Variants in RYK observed in about 807,000 individuals in gnomAD.
The protein encoded by RYK is inactive tyrosine-protein kinase RYK.
Under a neutral mutation model 70.2 loss-of-function variants are expected in RYK, and 21 were observed. That is an observed-to-expected ratio of 0.30 (90% CI 0.21 to 0.43). The LOEUF (loss-of-function observed/expected upper bound fraction) is 0.43. Among genes scored for constraint, RYK ranks in the 20% least tolerant of loss-of-function variants. The pLI is 1.00. For missense variants in RYK, 604 were observed against 753.3 expected (o/e 0.80, Z 2.32); for synonymous variants, 267 against 278.0 (o/e 0.96, Z 0.39).
At chr3:134,193,205 A>G (rs1156308077) in intron 7 of RYK, among the ~76,000 whole-genome samples, 1 of 149,878 alleles carries the variant, frequency 6.7e-6, no homozygotes, top group East Asian at 2.0e-4. Flanking sequence ...TTTTTTTGAG[A>G]CGGAGTCTCA....
intron 9 of RYK, among the ~76,000 whole-genome samples, chr3:134,185,584 C>A (rs985122686): frequency 6.6e-6 from 1 of 152,196 alleles, no homozygotes; most frequent in Admixed American, 6.5e-5. Flanking sequence ...TAAGTGTCTA[C>A]AAACTGCTTG....
At position 134,245,391 on chromosome 3, in the gene RYK, A is replaced by G. The variant is rs1214803557; in HGVS notation, c.232+5032T>C. 5.3e-5 allele frequency among the ~76,000 whole-genome samples: 8 copies of G among 152,270 alleles called. No homozygotes were observed. The East Asian group carries it at 1.5e-3, about 29-fold the overall frequency. ...TGATAGTTTAAAAAAAAAAAATCAC[A>G]AAGACATCAAACCATAAGGACAAAC... On this transcript the variant is annotated intron_variant, in intron 1 of 14. Coordinates refer to ENST00000623711, the MANE Select transcript of RYK (RefSeq NM_002958.4).
In RYK at chr3:134,157,361, C is replaced by A. The variant is rs2012279726; in HGVS notation, c.*792G>T. ...TTCTGGAATTGTATTATCTCCTTTT[C>A]CAGAGAGTAAAAATAAATAAAATCA... On this transcript the variant is annotated 3_prime_UTR_variant, in exon 15 of 15. Coordinates refer to ENST00000623711, the MANE Select transcript of RYK (RefSeq NM_002958.4). The A allele has an allele frequency of 6.6e-6, 1 of 152,200 alleles. No homozygotes were observed. 9.4% of individuals were successfully genotyped at this position (152,200 alleles called of 1,614,324 possible).
intron 1 of RYK, among the ~76,000 whole-genome samples, chr3:134,241,286 A>G (rs1265502456): frequency 6.6e-6 from 1 of 151,678 alleles, no homozygotes; most frequent in African/African-American, 2.4e-5. Context: ...GGAGACAGAG[A>G]CTGCAGTGAG....
At chr3:134,171,831 C>A (rs1386080260) in intron 13 of RYK, among the ~76,000 whole-genome samples, 1 of 151,790 alleles carries the variant, frequency 6.6e-6, no homozygotes, top group Non-Finnish European at 1.5e-5. Context: ...TGTACCACTG[C>A]ACTCCCACCT....
chr3:134,246,301 A>AAC (rs1342155987), intron 1 of RYK, among the ~76,000 whole-genome samples: 4,663 of 103,502 alleles, frequency 0.045, 322 homozygotes, highest in African/African-American at 0.12. Context: ...CTCAGAAAGA[A>AAC]ATACACACAC....
intron 1 of RYK, among the ~76,000 whole-genome samples, chr3:134,226,270 C>T (rs9858069): frequency 0.14 from 21,933 of 151,950 alleles, 1,946 homozygotes; most frequent in East Asian, 0.47. Context: ...ACAACTTTGA[C>T]AATAAAATCA....
chr3:134,246,301 A>AACACACACAC (rs1342155987), intron 1 of RYK, among the ~76,000 whole-genome samples: 35 of 103,702 alleles, frequency 3.4e-4, no homozygotes, highest in South Asian at 1.7e-3. Flanking sequence ...CTCAGAAAGA[A>AACACACACAC]ATACACACAC....
chr3:134,246,358 T>G (rs1047341856), intron 1 of RYK, among the ~76,000 whole-genome samples: 1 of 69,284 alleles, frequency 1.4e-5, no homozygotes, highest in African/African-American at 5.8e-5. Flanking sequence ...AGAGAGAAAA[T>G]AAAGGGTGGG....
At chr3:134,221,207 T>C (rs1487202069) in intron 2 of RYK, among the ~76,000 whole-genome samples, 10 of 127,820 alleles carry the variant, frequency 7.8e-5, no homozygotes, top group Non-Finnish European at 1.7e-4. Context: ...TTTTTTTTTT[T>C]TTTTTTTTTT....
chr3:134,176,345 C>T (rs1485635699), intron 11 of RYK, among the ~76,000 whole-genome samples: 1 of 152,220 alleles, frequency 6.6e-6, no homozygotes, highest in African/African-American at 2.4e-5. Flanking sequence ...ATGCTGAGTT[C>T]TCAAGGTAAT....
chr3:134,159,952 G>C (rs575009463), intron 13 of RYK, among the ~76,000 whole-genome samples: 1 of 152,164 alleles, frequency 6.6e-6, no homozygotes, highest in Non-Finnish European at 1.5e-5. Context: ...TTCATGGTCC[G>C]TTCGGGGCTC....
At chr3:134,217,498 C>G (rs2014592649) in intron 2 of RYK, among the ~76,000 whole-genome samples, 1 of 152,090 alleles carries the variant, frequency 6.6e-6, no homozygotes, top group Non-Finnish European at 1.5e-5. Context: ...GATCAATAAC[C>G]AAAGTACAAC....
intron 1 of RYK, among the ~76,000 whole-genome samples, chr3:134,236,801 C>G (rs1335909935): frequency 6.6e-6 from 1 of 151,932 alleles, no homozygotes; most frequent in Non-Finnish European, 1.5e-5. Flanking sequence ...ACAAGGATGC[C>G]AAGAGACAAG....
At chr3:134,225,897 C>A (rs2014895551) in intron 1 of RYK, among the ~76,000 whole-genome samples, 2 of 151,302 alleles carry the variant, frequency 1.3e-5, no homozygotes, top group Admixed American at 1.3e-4. Context: ...TCAAAGGTCA[C>A]CAAATTGAGT....
At chr3:134,209,942 A>C in intron 3 of RYK, 113 bp from the exon 4 acceptor site, 1 of 831,954 alleles carries the variant, frequency 1.2e-6, no homozygotes, top group South Asian at 1.9e-5. Context: ...CAAGAAAACT[A>C]AAAGTAATAC....
chr3:134,174,549 T>A (rs1356245996), intron 13 of RYK, among the ~76,000 whole-genome samples: 2 of 152,188 alleles, frequency 1.3e-5, no homozygotes, highest in Non-Finnish European at 2.9e-5. Context: ...GGATTTTACA[T>A]ATAACACAAA....
At chr3:134,220,885 G>T (rs1443114205) in intron 2 of RYK, among the ~76,000 whole-genome samples, 1 of 152,152 alleles carries the variant, frequency 6.6e-6, no homozygotes, top group Non-Finnish European at 1.5e-5. Flanking sequence ...TAATGGTGAA[G>T]GGAAGCATTG....
chr3:134,217,656 T>C (rs990941612), intron 2 of RYK, among the ~76,000 whole-genome samples: 1 of 152,168 alleles, frequency 6.6e-6, no homozygotes, highest in Non-Finnish European at 1.5e-5. Flanking sequence ...GATGTATATA[T>C]ACATATATGC....
Sources: gnomAD v4.1 joint callset for allele counts (sites outside exome capture counted in the v4.1 genomes callset) on GRCh38, gnomAD v4.1.1 for gene constraint, MANE v1.5 for transcripts, NCBI Gene and HGNC (gene_info 2026-07-23, HGNC 2026-07-21) for gene names.